Variants in MTMR9 observed in about 807,000 individuals in gnomAD.
MTMR9 encodes the protein myotubularin-related protein 9.
A neutral mutation model predicts 69.5 loss-of-function variants in MTMR9; 39 were observed. The observed-to-expected ratio is 0.56, with a 90% CI of 0.43 to 0.73. The LOEUF is 0.73. MTMR9 is among the 30% of genes least tolerant of loss of function. The probability of loss-of-function intolerance (pLI) is 0.00; values close to 1 mark genes in which losing one functional copy is unlikely to be tolerated. For synonymous variants in MTMR9, 354 were observed against 240.8 expected (o/e 1.47, Z -4.35); for missense variants, 900 against 671.2 (o/e 1.34, Z -3.77).
intron 7 of MTMR9, among the ~76,000 whole-genome samples, chr8:11,315,302 A>G (rs896113487): frequency 6.6e-6 from 1 of 152,196 alleles, no homozygotes; most frequent in African/African-American, 2.4e-5. Flanking sequence ...TTTATCACAT[A>G]CAGGAGAAAT....
chr8:11,309,485 A>C, intron 5 of MTMR9, 42 bp from the exon 6 acceptor site: 1 of 1,539,088 alleles, frequency 6.5e-7, no homozygotes, highest in Non-Finnish European at 8.8e-7. Context: ...TTATCTTTCT[A>C]TTTTCTGGGT....
At chr8:11,310,062 T>G (rs959063480) in intron 6 of MTMR9, among the ~76,000 whole-genome samples, 3 of 152,234 alleles carry the variant, frequency 2.0e-5, no homozygotes, top group African/African-American at 7.2e-5. Flanking sequence ...CTCCTTACTT[T>G]TGAAATATCA....
chr8:11,286,691 A>AAAAAGG, intron 1 of MTMR9, among the ~76,000 whole-genome samples: 1 of 105,432 alleles, frequency 9.5e-6, no homozygotes, highest in African/African-American at 3.7e-5. Context: ...AAAAAAAAAA[A>AAAAAGG]GTCTTCAGTG....
chr8:11,322,808 C>T lies in MTMR9; in HGVS notation c.*20C>T, dbSNP rs776299731. On this transcript the variant is annotated 3_prime_UTR_variant, in exon 10 of 10. Coordinates refer to ENST00000221086, the MANE Select transcript of MTMR9 (RefSeq NM_015458.4). ...CCCTGAAAGGTCTCCTCGCACCCTTCGCAAGGACCTTCTTGGGCCTGTGTC... is the reference window on the plus strand; with the variant it reads ...CCCTGAAAGGTCTCCTCGCACCCTTTGCAAGGACCTTCTTGGGCCTGTGTC... The T allele has an allele frequency of 2.1e-5, 33 of 1,601,994 alleles. No individual in the cohort carries two copies. The highest frequency in any genetic ancestry group is 1.7e-4 in the Middle Eastern group (1 of 6,046).
At chr8:11,303,873 G>C (rs1303378296) in intron 3 of MTMR9, among the ~76,000 whole-genome samples, 3 of 152,034 alleles carry the variant, frequency 2.0e-5, no homozygotes, top group Non-Finnish European at 4.4e-5. Flanking sequence ...AAATAACTTT[G>C]AAAAGTGAAA....
chr8:11,297,743 C>A (rs1311004157), intron 2 of MTMR9, among the ~76,000 whole-genome samples: 1 of 152,082 alleles, frequency 6.6e-6, no homozygotes, highest in Non-Finnish European at 1.5e-5. Context: ...TTTTAAAACT[C>A]TTTAGAAACT....
At chr8:11,310,154 G>C (rs1800139075) in intron 6 of MTMR9, among the ~76,000 whole-genome samples, 1 of 152,186 alleles carries the variant, frequency 6.6e-6, no homozygotes, top group Admixed American at 6.5e-5. Context: ...TACTTGATAT[G>C]TGCGATTACA....
intron 8 of MTMR9, chr8:11,317,497 G>A (rs959750556): frequency 6.6e-6 from 1 of 152,126 alleles, no homozygotes; most frequent in Admixed American, 6.5e-5. Context: ...CTCACAGTAG[G>A]GTTTGCGCTT....
rs373509067 is a variant in MTMR9, at chr8:11,298,840, C to T, written c.292-1183C>T. ...TGTTCCTCCCATCTACTCAGGTTTTCCTATGTCTGTTTTCCAGGATTCAAG... is the reference window on the plus strand; with the variant it reads ...TGTTCCTCCCATCTACTCAGGTTTTTCTATGTCTGTTTTCCAGGATTCAAG... On this transcript the variant is annotated intron_variant, in intron 2 of 9. Coordinates refer to ENST00000221086, the MANE Select transcript of MTMR9 (RefSeq NM_015458.4). The T allele has an allele frequency of 1.7e-5, 17 of 983,126 alleles. No homozygotes were observed. The African/African-American group carries it at 2.1e-4, about 12-fold the overall frequency. The allele number at this position is 983,126 out of a possible 1,614,324, so 60.9% of individuals were successfully genotyped here. A position where few individuals can be genotyped will look rare whatever the true frequency, so the allele number is the denominator to read the frequency against.
At chr8:11,329,933 C>CA (rs1801132582), downstream of MTMR9, among the ~76,000 whole-genome samples, 1 of 152,028 alleles carries the variant, frequency 6.6e-6, no homozygotes, top group Non-Finnish European at 1.5e-5. Flanking sequence ...GCTGCGACCC[C>CA]GTCTGGGAGG....
chr8:11,295,126 A>C (rs1799505122), intron 1 of MTMR9, 68 bp from the exon 2 acceptor site: 7 of 832,806 alleles, frequency 8.4e-6, no homozygotes, highest in Non-Finnish European at 1.1e-5. Flanking sequence ...TCTCTTTTCA[A>C]AGAAATAATA....
chr8:11,331,654 G>A, downstream of MTMR9: 3 of 1,611,714 alleles, frequency 1.9e-6, no homozygotes, highest in Non-Finnish European at 2.5e-6. Flanking sequence ...CTACAGGAGG[G>A]GACCACAGGT....
chr8:11,303,302 G>C (rs1799817089), intron 3 of MTMR9, among the ~76,000 whole-genome samples: 1 of 151,164 alleles, frequency 6.6e-6, no homozygotes, highest in African/African-American at 2.4e-5. Context: ...GATCAATGGA[G>C]AGCCCTGTCA....
rs1800760043 is a variant in MTMR9, at chr8:11,322,871, A to C, written c.*83A>C. Reference sequence around the variant, plus strand: ...CTTGTGCCCTTCAGTTCACTTTTACACGGTAGCCTTGAAGTGAAGGCTTTA... The same window carrying C: ...CTTGTGCCCTTCAGTTCACTTTTACCCGGTAGCCTTGAAGTGAAGGCTTTA... On this transcript the variant is annotated 3_prime_UTR_variant, in exon 10 of 10. Transcript: ENST00000221086. 7.6e-7 allele frequency: 1 copy of C among 1,322,418 alleles called. No individual in the cohort carries two copies. The highest frequency in any genetic ancestry group is 1.0e-6 in the Non-Finnish European group (1 of 956,540). 81.9% of individuals were successfully genotyped at this position (1,322,418 alleles called of 1,614,324 possible).
chr8:11,331,157 G>C, downstream of MTMR9: 1 of 1,611,802 alleles, frequency 6.2e-7, no homozygotes, highest in Admixed American at 1.7e-5. Context: ...CACACCCATC[G>C]CCGCCCTCCG....
chr8:11,296,890 A>G (rs1799579927), intron 2 of MTMR9, among the ~76,000 whole-genome samples: 2 of 152,130 alleles, frequency 1.3e-5, no homozygotes, highest in African/African-American at 2.4e-5. Flanking sequence ...CTTTTTATTT[A>G]TATAAATAAT....
At chr8:11,315,174 T>G in intron 7 of MTMR9, 110 bp downstream of exon 7, 2 of 1,375,810 alleles carry the variant, frequency 1.5e-6, no homozygotes, top group Non-Finnish European at 2.0e-6. Flanking sequence ...AATTTCTAAG[T>G]TGTGTGTTTA....
chr8:11,330,409 T>G (rs896528324), downstream of MTMR9, among the ~76,000 whole-genome samples: 11 of 152,332 alleles, frequency 7.2e-5, no homozygotes, highest in African/African-American at 2.6e-4. Context: ...CCACCCCGTC[T>G]GGGAGGTGTA....
downstream of MTMR9, chr8:11,331,174 C>A: frequency 6.2e-7 from 1 of 1,613,440 alleles, no homozygotes; most frequent in Non-Finnish European, 8.5e-7. Context: ...TCCGCTCCAC[C>A]CAGCCTCCGC....
Sources: gnomAD v4.1 joint callset for allele counts (sites outside exome capture counted in the v4.1 genomes callset) on GRCh38, gnomAD v4.1.1 for gene constraint, MANE v1.5 for transcripts, NCBI Gene and HGNC (gene_info 2026-07-23, HGNC 2026-07-21) for gene names.